CHLSN: variants seen among roughly 807,000 people sequenced by gnomAD.
CHLSN encodes the protein protein cholesin.
the CHLSN span, among the ~76,000 whole-genome samples, chr7:1,133,409 A>AAAAAAAAAAAAAAAC: frequency 2.1e-4 from 32 of 149,536 alleles, 1 homozygote; most frequent in East Asian, 3.8e-3. Context: ...AAAAAAAAAA[A>AAAAAAAAAAAAAAAC]AAAACTATAA....
chr7:1,105,458 G>C, the CHLSN span, among the ~76,000 whole-genome samples: 1 of 152,166 alleles, frequency 6.6e-6, no homozygotes, highest in Admixed American at 6.5e-5. Flanking sequence ...AGTCTCAAAA[G>C]CAGCAAAGGA....
the CHLSN span, among the ~76,000 whole-genome samples, chr7:1,006,154 GAA>G: frequency 6.6e-6 from 1 of 152,258 alleles, no homozygotes; most frequent in East Asian, 1.9e-4. Context: ...GAGACCCACA[GAA>G]AGTGGAGGGA....
the CHLSN span, among the ~76,000 whole-genome samples, chr7:1,047,203 T>A: frequency 6.6e-6 from 1 of 152,178 alleles, no homozygotes; most frequent in East Asian, 1.9e-4. Context: ...CAGGCACAGG[T>A]GCCCAGCCCG....
the CHLSN span, among the ~76,000 whole-genome samples, chr7:1,136,346 A>G: frequency 3.4e-5 from 3 of 89,540 alleles, 1 homozygote; most frequent in African/African-American, 1.1e-4. Flanking sequence ...ATAAACATAT[A>G]AATATATATA....
chr7:980,404 C>T, the CHLSN span, among the ~76,000 whole-genome samples: 11 of 152,250 alleles, frequency 7.2e-5, no homozygotes, highest in Admixed American at 5.2e-4. Context: ...CTGCAGTTGG[C>T]ACACGTCTCT....
chr7:1,012,555 G>C, the CHLSN span, among the ~76,000 whole-genome samples: 7 of 152,240 alleles, frequency 4.6e-5, no homozygotes, highest in Admixed American at 2.0e-4. Context: ...CAGCGCTCCC[G>C]ACCTGGCAGG....
chr7:1,082,198 A>G, the CHLSN span: 1 of 152,218 alleles, frequency 6.6e-6, no homozygotes, highest in African/African-American at 2.4e-5. Context: ...CAGTCTGACC[A>G]TTGTTCTTCA....
At chr7:1,089,189 C>T in the CHLSN span, among the ~76,000 whole-genome samples, 12 of 152,112 alleles carry the variant, frequency 7.9e-5, no homozygotes, top group Non-Finnish European at 1.6e-4. Context: ...TCAACCTTCC[C>T]GACAGAGCCT....
the CHLSN span, chr7:1,057,950 G>A: frequency 1.3e-5 from 10 of 772,756 alleles, no homozygotes; most frequent in East Asian, 1.5e-4. Flanking sequence ...ACAACACGCG[G>A]CACGTGTGCG....
the CHLSN span, among the ~76,000 whole-genome samples, chr7:1,023,677 A>ACC: frequency 2.0e-5 from 2 of 101,414 alleles, no homozygotes; most frequent in African/African-American, 3.3e-5. This position sits in a 1 kb window ranked among gnomAD's most constrained non-coding sequence, Gnocchi z 5.0. Flanking sequence ...ACACACACAC[A>ACC]CCAGCAACGC....
At chr7:1,121,840 G>A in the CHLSN span, among the ~76,000 whole-genome samples, 1 of 152,106 alleles carries the variant, frequency 6.6e-6, no homozygotes, top group South Asian at 2.1e-4. Flanking sequence ...CACTCACACA[G>A]GGCAGCGTGC....
At chr7:980,526 A>C in the CHLSN span, among the ~76,000 whole-genome samples, 1 of 151,622 alleles carries the variant, frequency 6.6e-6, no homozygotes, top group African/African-American at 2.4e-5. Context: ...CATCCTTGCA[A>C]GTATGCACAC....
At chr7:979,452 T>TA in the CHLSN span, among the ~76,000 whole-genome samples, 1 of 152,226 alleles carries the variant, frequency 6.6e-6, no homozygotes, top group East Asian at 1.9e-4. Flanking sequence ...CTTATCTTTT[T>TA]AAAAAACGCA....
At chr7:1,040,183 T>TAAAAAAATAA in the CHLSN span, among the ~76,000 whole-genome samples, 370 of 74,508 alleles carry the variant, frequency 5.0e-3, 4 homozygotes, top group African/African-American at 0.016. Flanking sequence ...AAAATAAATT[T>TAAAAAAATAA]AAAAAAAAAA....
the CHLSN span, among the ~76,000 whole-genome samples, chr7:1,043,157 C>T: frequency 1.3e-5 from 2 of 151,806 alleles, no homozygotes; most frequent in Non-Finnish European, 2.9e-5. Flanking sequence ...ACTCAGGAGG[C>T]TGAGGCTGCA....
chr7:1,022,943 TG>T, the CHLSN span: 2 of 465,586 alleles, frequency 4.3e-6, no homozygotes, highest in Admixed American at 2.2e-5. Flanking sequence ...GCGCAGACAC[TG>T]GGGCAGGCGC....
chr7:1,015,640 C>G, the CHLSN span, among the ~76,000 whole-genome samples: 1 of 152,308 alleles, frequency 6.6e-6, no homozygotes, highest in East Asian at 1.9e-4. Flanking sequence ...CCCAGGAGAG[C>G]AGGGAGGACC....
chr7:1,074,593 C>T, the CHLSN span: 1 of 152,518 alleles, frequency 6.6e-6, no homozygotes, highest in Admixed American at 6.5e-5. Context: ...GGAAGCAGCG[C>T]TGGGAGACTT....
chr7:1,099,813 C>T, the CHLSN span, among the ~76,000 whole-genome samples: 2 of 152,212 alleles, frequency 1.3e-5, no homozygotes, highest in Non-Finnish European at 2.9e-5. Context: ...TTCGCAGACA[C>T]GTCTCACTAG....
Sources: gnomAD v4.1 joint callset for allele counts (sites outside exome capture counted in the v4.1 genomes callset) on GRCh38, gnomAD v4.1.1 for gene constraint, Gnocchi (gnomAD v3.1) non-coding constraint, MANE v1.5 for transcripts, NCBI Gene and HGNC (gene_info 2026-07-23, HGNC 2026-07-21) for gene names.